OSTM1: variants seen among roughly 807,000 people sequenced by gnomAD.
The protein encoded by OSTM1 is osteoclastogenesis associated transmembrane protein 1.
Under a neutral mutation model 35.4 loss-of-function variants are expected in OSTM1, and 26 were observed. The ratio of observed to expected loss-of-function variants is 0.73; its 90% CI spans 0.54 to 1.02. OSTM1 has a LOEUF of 1.02. Ranked by LOEUF, OSTM1 falls within the 50% of genes least tolerant of loss-of-function variation. The pLI is 0.00. For missense variants in OSTM1, 366 were observed against 409.6 expected, an observed-to-expected ratio of 0.89 and a Z score of 0.92; for synonymous variants, 181 against 165.0, an observed-to-expected ratio of 1.10 and a Z score of -0.75.
chr6:108,051,532 T>C (rs1460766304), intron 3 of OSTM1, among the ~76,000 whole-genome samples: 1 of 152,228 alleles, frequency 6.6e-6, no homozygotes, highest in African/African-American at 2.4e-5. Context: ...ATATGCCAAA[T>C]GACTAGTAAC....
chr6:108,074,156 G>C, intron 1 of OSTM1, 94 bp downstream of exon 1: 1 of 1,246,962 alleles, frequency 8.0e-7, no homozygotes, highest in Non-Finnish European at 1.1e-6. Context: ...TCTTACTGTT[G>C]GGGAAACTGA....
intron 3 of OSTM1, among the ~76,000 whole-genome samples, chr6:108,053,506 A>C (rs1772117744): frequency 1.3e-5 from 2 of 152,150 alleles, no homozygotes; most frequent in East Asian, 1.9e-4. Context: ...ATGTTCACCT[A>C]ATTTTTTTTA....
At position 108,054,535 on chromosome 6, in the gene OSTM1, A is replaced by G; in HGVS notation, c.570T>C (p.Leu190=). Residue 190 remains leucine, a synonymous_variant, in exon 3 of 6, where the codon CTT becomes CTC. Transcript: ENST00000193322. ...AGGTCAGGGTGTGATTAAATAGATT[A>G]AGGAAATATACTGTGCTGTTTGATA... is the stretch of plus-strand genomic sequence containing the variant. ...EELSNSTVYF[L]NLFNHTLTCF... 1 of 1,574,610 alleles carries G rather than the reference A, an allele frequency of 6.4e-7. No homozygotes were observed. The highest frequency in any genetic ancestry group is 1.1e-5 in the South Asian group (1 of 89,112).
At chr6:108,069,190 A>G (rs1195781903) in intron 1 of OSTM1, among the ~76,000 whole-genome samples, 1 of 152,232 alleles carries the variant, frequency 6.6e-6, no homozygotes, top group Admixed American at 6.5e-5. Flanking sequence ...GTATAATGAG[A>G]TGCTTAATGT....
chr6:108,061,182 A>G (rs1772264343), intron 2 of OSTM1, among the ~76,000 whole-genome samples: 1 of 152,166 alleles, frequency 6.6e-6, no homozygotes, highest in African/African-American at 2.4e-5. Context: ...TTCGGAAACA[A>G]AATTTTAAAA....
At chr6:108,070,118 A>T (rs887139074) in intron 1 of OSTM1, among the ~76,000 whole-genome samples, 2 of 151,878 alleles carry the variant, frequency 1.3e-5, no homozygotes, top group African/African-American at 2.4e-5. Context: ...GTTCACTGAA[A>T]CCTCAGCCTC....
intron 1 of OSTM1, among the ~76,000 whole-genome samples, chr6:108,068,441 G>A (rs1192779892): frequency 8.6e-5 from 13 of 151,988 alleles, no homozygotes; most frequent in Non-Finnish European, 1.2e-4. Context: ...AATGATCTTC[G>A]CCCACTAAAC....
chr6:108,070,142 A>T (rs1772455133), intron 1 of OSTM1, among the ~76,000 whole-genome samples: 1 of 151,938 alleles, frequency 6.6e-6, no homozygotes. Flanking sequence ...GGCTCAAGTG[A>T]TTCTCCCACC....
intron 4 of OSTM1, among the ~76,000 whole-genome samples, chr6:108,050,426 C>T (rs955889905): frequency 5.5e-5 from 8 of 144,474 alleles, no homozygotes; most frequent in Non-Finnish European, 8.9e-5. Flanking sequence ...TGCACTGGCA[C>T]GATCTCAGCT....
intron 2 of OSTM1, among the ~76,000 whole-genome samples, chr6:108,062,191 A>C (rs1772286545): frequency 6.6e-6 from 1 of 152,212 alleles, no homozygotes; most frequent in African/African-American, 2.4e-5. Flanking sequence ...TTAGTAAGTA[A>C]ACTAAGGGTT....
intron 5 of OSTM1, among the ~76,000 whole-genome samples, chr6:108,046,766 T>C (rs1297623191): frequency 1.3e-5 from 2 of 152,254 alleles, no homozygotes; most frequent in African/African-American, 4.8e-5. Flanking sequence ...AACTAAAATC[T>C]ACTTCTTAAG....
In OSTM1 at chr6:108,051,108, T is replaced by C. The variant is rs142241698; in HGVS notation, c.706A>G (p.Ser236Gly). 9 of 1,613,546 alleles carry C rather than the reference T, an allele frequency of 5.6e-6. No homozygotes were observed. In the African/African-American group the frequency reaches 8.0e-5, roughly 14 times the overall value. Residue 236 changes from serine (S) to glycine (G), a missense_variant, in exon 4 of 6, where the codon AGT (serine) becomes GGT (glycine). Physicochemically the swap from Ser to Gly is moderately conservative, Grantham distance 56. Transcript: ENST00000193322. ...EAYKTLSSLY[S>G]EMQKMNELEN... is the part of the protein sequence containing the mutation. ...AGTTCATTCATTTTTTGCATTTCACTGTACAGACTACTCAGAGTTTTGTAT... is the reference window on the plus strand; with the variant it reads ...AGTTCATTCATTTTTTGCATTTCACCGTACAGACTACTCAGAGTTTTGTAT...
At chr6:108,072,310 C>T (rs774907467) in intron 1 of OSTM1, among the ~76,000 whole-genome samples, 5 of 151,798 alleles carry the variant, frequency 3.3e-5, no homozygotes, top group South Asian at 2.1e-4. Context: ...TGGAAAATAC[C>T]GCATGTAAGC....
intron 1 of OSTM1, among the ~76,000 whole-genome samples, chr6:108,064,972 C>T (rs527703614): frequency 1.3e-5 from 2 of 152,318 alleles, no homozygotes; most frequent in South Asian, 2.1e-4. Context: ...GATTCTCATG[C>T]CACAGCCTCC....
At chr6:108,045,313 ATTTT>A in intron 5 of OSTM1, among the ~76,000 whole-genome samples, 1 of 152,058 alleles carries the variant, frequency 6.6e-6, no homozygotes, top group South Asian at 2.1e-4. Context: ...AGACTGAATG[ATTTT>A]TCCCCCTAAG....
chr6:108,070,735 C>T (rs930694491), intron 1 of OSTM1, among the ~76,000 whole-genome samples: 9 of 151,142 alleles, frequency 6.0e-5, no homozygotes, highest in African/African-American at 2.2e-4. Flanking sequence ...ACTAAAAATA[C>T]AAAAATTAGC....
rs1241391626 is a variant in OSTM1 at position 108,064,190 on chromosome 6, C to T, written c.512G>A (p.Cys171Tyr). 1 of 1,491,088 alleles carries T rather than the reference C, an allele frequency of 6.7e-7. No homozygotes were observed. Among genetic ancestry groups the T allele is most frequent in the Non-Finnish European group, 9.3e-7 (1 of 1,070,108 alleles). The allele number at this position is 1,491,088 out of a possible 1,614,324, so 92.4% of individuals were successfully genotyped here. A position where few individuals can be genotyped will look rare whatever the true frequency, so the allele number is the denominator to read the frequency against. Reference sequence around the variant, plus strand: ...AAAATGAAAGAATTACTTACTTGCACAATTTGCCTCCTGCCATGTGGTATT... The same window carrying T: ...AAAATGAAAGAATTACTTACTTGCATAATTTGCCTCCTGCCATGTGGTATT... The part of the protein sequence containing the change: ...FFNTTWQEAN[C>Y]ANCLTNNSEE... Residue 171 changes from cysteine to tyrosine, a missense_variant, in exon 2 of 6, where the codon TGT (cysteine) becomes TAT (tyrosine). Transcript: ENST00000193322.
intron 1 of OSTM1, among the ~76,000 whole-genome samples, chr6:108,066,984 A>G (rs1280896330): frequency 1.3e-5 from 2 of 152,150 alleles, no homozygotes; most frequent in African/African-American, 4.8e-5. Flanking sequence ...AACCCTAACC[A>G]TCTTGAAGCC....
At chr6:108,067,220 C>T (rs2114609268) in intron 1 of OSTM1, among the ~76,000 whole-genome samples, 1 of 152,266 alleles carries the variant, frequency 6.6e-6, no homozygotes, top group South Asian at 2.1e-4. Context: ...ATCTAGCCTC[C>T]TGGATAACAG....
Sources: allele counts gnomAD v4.1 joint callset (sites outside exome capture counted in the v4.1 genomes callset), GRCh38; gene constraint gnomAD v4.1.1; transcripts MANE v1.5; gene names NCBI Gene and HGNC (gene_info 2026-07-23, HGNC 2026-07-21).